SHANK2: variants seen among roughly 807,000 people sequenced by gnomAD.
SHANK2 encodes SH3 and multiple ankyrin repeat domains protein 2.
SHANK2 carries 43 observed loss-of-function variants against 133.7 expected under a neutral mutation model. That is an observed-to-expected ratio of 0.32 (90% CI 0.25 to 0.41). The LOEUF is 0.41. Ranked by LOEUF, SHANK2 falls within the 10% of genes least tolerant of loss-of-function variation. The pLI, the probability that SHANK2 is intolerant of heterozygous loss-of-function variation, is 1.00. For synonymous variants in SHANK2, 1,017 were observed against 952.8 expected, an observed-to-expected ratio of 1.07 and a Z score of -1.24; for missense variants, 1,994 against 2,235.8, an observed-to-expected ratio of 0.89 and a Z score of 2.18.
intron 2 of SHANK2, among the ~76,000 whole-genome samples, chr11:71,210,252 A>ATT (rs374399120): frequency 2.0e-5 from 2 of 99,128 alleles, no homozygotes; most frequent in African/African-American, 1.0e-4. Context: ...ATATATATAT[A>ATT]TTTATTTATT....
intron 17 of SHANK2, among the ~76,000 whole-genome samples, chr11:70,516,520 T>G (rs1198950631): frequency 6.6e-6 from 1 of 152,220 alleles, no homozygotes; most frequent in African/African-American, 2.4e-5. Flanking sequence ...TTCTAGAAGA[T>G]AAGAGAAGAT....
intron 10 of SHANK2, chr11:70,950,088 G>A (rs1229874526): frequency 2.0e-5 from 9 of 456,422 alleles, no homozygotes; most frequent in East Asian, 6.9e-5. Context: ...ATGGAGTTTC[G>A]CCCTGGTTAC....
intron 3 of SHANK2, among the ~76,000 whole-genome samples, chr11:71,130,685 A>G (rs1952284475): frequency 6.6e-6 from 1 of 152,170 alleles, no homozygotes; most frequent in Non-Finnish European, 1.5e-5. Context: ...CACCTTCCTC[A>G]GGTGAGACTT....
intron 11 of SHANK2, among the ~76,000 whole-genome samples, chr11:70,844,605 G>A (rs1478862999): frequency 6.6e-6 from 1 of 152,188 alleles, no homozygotes; most frequent in Admixed American, 6.5e-5. Context: ...CTCGTGGGAT[G>A]TTACGTAATA....
chr11:70,902,978 C>G (rs1950045284), intron 10 of SHANK2, among the ~76,000 whole-genome samples: 1 of 152,308 alleles, frequency 6.6e-6, no homozygotes, highest in East Asian at 1.9e-4. Context: ...CGGCCCCCCT[C>G]CACTGATCTA....
intron 14 of SHANK2, among the ~76,000 whole-genome samples, chr11:70,729,447 T>C (rs1946238056): frequency 6.6e-6 from 1 of 151,926 alleles, no homozygotes; most frequent in Non-Finnish European, 1.5e-5. Context: ...TCTAAAAGTA[T>C]TCTGGAGTGA....
intron 17 of SHANK2, among the ~76,000 whole-genome samples, chr11:70,525,525 G>C (rs1359912049): frequency 3.9e-5 from 6 of 152,036 alleles, no homozygotes; most frequent in Non-Finnish European, 8.8e-5. Flanking sequence ...AGAGAGGTGA[G>C]AGAAAAGGGC....
rs931123384 is a variant in SHANK2 at position 71,233,805 on chromosome 11, T to C, written c.-112-9009A>G. Among the ~76,000 whole-genome samples, 3 of 152,190 alleles carry C rather than the reference T, an allele frequency of 2.0e-5. No individual in the cohort carries two copies. The South Asian group carries it at 6.2e-4, about 32-fold the overall frequency. On this transcript the variant is annotated intron_variant, in intron 1 of 25. Transcript: ENST00000601538. ...GGTCATGCCTGTAATCCCAGCACTT[T>C]GGGAGGCTGAGGCGGGAGGATCACT...
chr11:71,122,998 A>G (rs1479572312), intron 3 of SHANK2, among the ~76,000 whole-genome samples: 1 of 152,168 alleles, frequency 6.6e-6, no homozygotes, highest in Admixed American at 6.5e-5. Context: ...AAACAGCAGC[A>G]TCATCATCTC....
intron 2 of SHANK2, among the ~76,000 whole-genome samples, chr11:71,208,138 C>T (rs541286066): frequency 1.3e-5 from 2 of 152,280 alleles, no homozygotes; most frequent in South Asian, 2.1e-4. Context: ...CGAGGAGGGG[C>T]ACAGAAAGCC....
At chr11:70,642,778 C>T (rs1268572237) in intron 17 of SHANK2, among the ~76,000 whole-genome samples, 3 of 152,158 alleles carry the variant, frequency 2.0e-5, no homozygotes, top group African/African-American at 4.8e-5. Context: ...CTGAGAATAA[C>T]GCAGAGATGG....
Position 70,857,601 on chromosome 11 carries a change from C to A in SHANK2, c.1175-36919G>T, listed in dbSNP as rs375530678. Among the ~76,000 whole-genome samples, 59 of 152,282 alleles carry A rather than the reference C, an allele frequency of 3.9e-4. 1 individual carries two copies. In the East Asian group the frequency reaches 6.0e-3, roughly 16 times the overall value. ...CCCTTGGGCAGTGCCCAAGAGAGCA[C>A]AAGCAGTTGACATACGGGTTCTGCT... is the stretch of plus-strand genomic sequence containing the variant. On this transcript the variant is annotated intron_variant, in intron 11 of 25. Coordinates refer to ENST00000601538, the MANE Select transcript of SHANK2 (RefSeq NM_012309.5).
chr11:70,916,013 A>G (rs1950264238), intron 10 of SHANK2, among the ~76,000 whole-genome samples: 1 of 152,126 alleles, frequency 6.6e-6, no homozygotes, highest in Admixed American at 6.5e-5. Context: ...TCCCCGATTC[A>G]CATCACCTTG....
rs77743694 is a variant in SHANK2 at position 70,931,620 on chromosome 11, T to C, written c.1108-35053A>G. On this transcript the variant is annotated intron_variant, in intron 10 of 25. Transcript: ENST00000601538. ...ACCGGTCACCAGGGCCAGCCCTTCGTAGGTCATCTCTAAGCCCTCACCCGC... is the reference window on the plus strand; with the variant it reads ...ACCGGTCACCAGGGCCAGCCCTTCGCAGGTCATCTCTAAGCCCTCACCCGC... 4.6e-3 allele frequency among the ~76,000 whole-genome samples: 705 copies of C among 152,292 alleles called. 5 individuals are homozygous for C. The highest frequency in any genetic ancestry group is 0.016 in the African/African-American group (683 of 41,572).
intron 11 of SHANK2, among the ~76,000 whole-genome samples, chr11:70,843,891 C>T (rs934375523): frequency 4.6e-5 from 7 of 152,162 alleles, no homozygotes; most frequent in Non-Finnish European, 8.8e-5. Context: ...GTGCTTCCGT[C>T]GGAAGGCCTG....
chr11:70,473,219 A>G lies in SHANK2; in HGVS notation c.5200T>C (p.Ser1734Pro). ...APLSAATASP[S>P]PALSDVFSLP... The stretch of plus-strand genomic sequence containing the variant: ...CTAAAGACATCTGAGAGAGCGGGAG[A>G]AGGAGAGGCGGTGGCAGCAGACAGG... The change falls in exon 26 of 26, where the codon TCT becomes CCT. Residue 1734 changes from serine to proline, a missense_variant. This residue lies in a region of SHANK2 where 797 missense variants were observed against 907.4 expected (regional missense o/e 0.88). Coordinates refer to ENST00000601538, the MANE Select transcript of SHANK2 (RefSeq NM_012309.5). This position sits in a 1 kb window ranked among gnomAD's most constrained non-coding sequence, Gnocchi z 5.9. 6.2e-7 allele frequency: 1 copy of G among 1,610,424 alleles called. No homozygotes were observed. The highest frequency in any genetic ancestry group is 8.5e-7 in the Non-Finnish European group (1 of 1,177,040).
chr11:70,645,252 T>C lies in SHANK2; in HGVS notation c.2061+14576A>G, dbSNP rs555483113. ...AAAATAAAAAACACATCAAGAATGC[T>C]TTGAAGAAGCACACAAGGTACACAC... is the stretch of plus-strand genomic sequence containing the variant. On this transcript the variant is annotated intron_variant, in intron 17 of 25. Transcript: ENST00000601538. Among the ~76,000 whole-genome samples, 6 of 152,148 alleles carry C rather than the reference T, an allele frequency of 3.9e-5. No homozygotes were observed. The South Asian group carries it at 1.0e-3, about 26-fold the overall frequency.
chr11:71,184,178 T>C (rs1432077985), intron 2 of SHANK2, among the ~76,000 whole-genome samples: 1 of 152,164 alleles, frequency 6.6e-6, no homozygotes, highest in African/African-American at 2.4e-5. Context: ...CACTATGCTC[T>C]TTTTGAAACT....
At chr11:71,169,524 G>C (rs1953264307) in intron 2 of SHANK2, among the ~76,000 whole-genome samples, 1 of 152,190 alleles carries the variant, frequency 6.6e-6, no homozygotes, top group Non-Finnish European at 1.5e-5. Flanking sequence ...GCCGAGGCGG[G>C]TGAATCACCC....
Sources: gnomAD v4.1 joint callset for allele counts (sites outside exome capture counted in the v4.1 genomes callset) on GRCh38, gnomAD v4.1.1 for gene constraint, gnomAD v4.1.1 regional missense constraint, Gnocchi (gnomAD v3.1) non-coding constraint, MANE v1.5 for transcripts, NCBI Gene and HGNC (gene_info 2026-07-23, HGNC 2026-07-21) for gene names.